The following SLC35F4 variants were observed in gnomAD, a reference collection of about 807,000 sequenced individuals.
The protein encoded by SLC35F4 is solute carrier family 35 member F4.
A neutral mutation model predicts 44.2 loss-of-function variants in SLC35F4; 24 were observed. The observed-to-expected ratio is 0.54, with a 90% confidence interval of 0.39 to 0.76. The LOEUF (loss-of-function observed/expected upper bound fraction) is 0.76, where lower values mean the gene tolerates loss of function less well. SLC35F4 is among the 30% of genes least tolerant of loss of function. SLC35F4 has a pLI of 0.00. For missense variants in SLC35F4, 562 were observed against 586.1 expected (o/e 0.96, Z 0.42); for synonymous variants, 238 against 223.6 (o/e 1.06, Z -0.57).
chr14:57,869,830 T>A (rs965699479), upstream of SLC35F4, among the ~76,000 whole-genome samples: 1 of 152,194 alleles, frequency 6.6e-6, no homozygotes, highest in Non-Finnish European at 1.5e-5. Context: ...TCAGGGAAGT[T>A]GTTTTGAGTA....
chr14:57,671,875 T>C (rs1240599991), intron 1 of SLC35F4, among the ~76,000 whole-genome samples: 1 of 152,068 alleles, frequency 6.6e-6, no homozygotes, highest in Non-Finnish European at 1.5e-5. Flanking sequence ...ATTCTCCCCA[T>C]GAAATCAGGC....
At chr14:57,600,214 G>A (rs17724195) in intron 1 of SLC35F4, among the ~76,000 whole-genome samples, 44,292 of 151,914 alleles carry the variant, frequency 0.29, 6,646 homozygotes, top group Middle Eastern at 0.35. Flanking sequence ...TAAAACTAGC[G>A]CTATTTTCAA....
At chr14:57,586,366 A>G (rs1032074253) in intron 3 of SLC35F4, among the ~76,000 whole-genome samples, 2 of 152,196 alleles carry the variant, frequency 1.3e-5, no homozygotes, top group African/African-American at 4.8e-5. Flanking sequence ...ACCTAAAACC[A>G]TAAAAACTCG....
chr14:57,857,416 T>C (rs986008486), intron 1 of SLC35F4, among the ~76,000 whole-genome samples: 3 of 152,110 alleles, frequency 2.0e-5, no homozygotes, highest in Non-Finnish European at 2.9e-5. Context: ...TTCTTTAAAG[T>C]ACATCTATTT....
intron 1 of SLC35F4, among the ~76,000 whole-genome samples, chr14:57,721,848 C>T (rs2076092576): frequency 6.6e-6 from 1 of 152,178 alleles, no homozygotes; most frequent in African/African-American, 2.4e-5. Context: ...CCACCTTTAT[C>T]TGAGGAGATA....
chr14:57,581,947 T>C (rs1284027683), intron 3 of SLC35F4, among the ~76,000 whole-genome samples: 5 of 152,162 alleles, frequency 3.3e-5, no homozygotes, highest in Non-Finnish European at 7.3e-5. Flanking sequence ...ATTGACTAAT[T>C]TTTTTTCCTG....
At chr14:57,917,045 T>C (rs544346709) in intron 1 of SLC35F4, among the ~76,000 whole-genome samples, 114 of 151,994 alleles carry the variant, frequency 7.5e-4, no homozygotes, top group South Asian at 1.9e-3. Flanking sequence ...TTTGGGGGGT[T>C]TTGTTTTGTT....
chr14:57,638,436 C>A (rs771520476), intron 1 of SLC35F4, among the ~76,000 whole-genome samples: 2 of 152,022 alleles, frequency 1.3e-5, no homozygotes, highest in African/African-American at 2.4e-5. Context: ...TGTTAGGGGC[C>A]CCTTCGTGAA....
intron 1 of SLC35F4, among the ~76,000 whole-genome samples, chr14:57,849,066 C>A (rs1412095236): frequency 1.3e-5 from 2 of 152,210 alleles, no homozygotes. Flanking sequence ...CCAGACCCTT[C>A]ATAGTTCTTG....
chr14:57,700,312 G>A (rs1313962476), intron 1 of SLC35F4, among the ~76,000 whole-genome samples: 1 of 152,032 alleles, frequency 6.6e-6, no homozygotes, highest in East Asian at 1.9e-4. Context: ...ATAAAAGACA[G>A]AAAATGGTAC....
rs543899204 is a variant in SLC35F4, at chr14:57,636,360, C to T, written c.104-42236G>A. Among the ~76,000 whole-genome samples, 83 of 152,174 alleles carry T rather than the reference C, an allele frequency of 5.5e-4. 1 individual carries two copies. The highest frequency in any genetic ancestry group is 5.8e-4 in the East Asian group (3 of 5,164). On this transcript the variant is annotated intron_variant, in intron 1 of 7. Coordinates refer to ENST00000556826, the MANE Select transcript of SLC35F4 (RefSeq NM_001306087.2). ...GAGGTTGCACTGAAAATACCATGCA[C>T]GGTAGCTCTACTGCTTGTGGGGTTT... is the stretch of plus-strand genomic sequence containing the variant.
intron 1 of SLC35F4, among the ~76,000 whole-genome samples, chr14:57,886,012 C>A (rs1335520): frequency 0.081 from 12,309 of 152,164 alleles, 561 homozygotes; most frequent in Middle Eastern, 0.14. Context: ...ATAAATATTG[C>A]AGACTGAATG....
At chr14:57,611,944 C>A (rs2071535291) in intron 1 of SLC35F4, among the ~76,000 whole-genome samples, 1 of 152,216 alleles carries the variant, frequency 6.6e-6, no homozygotes, top group South Asian at 2.1e-4. Context: ...TGCAGTGCAA[C>A]AGTGCAGTCC....
At chr14:57,673,813 A>C (rs191980828) in intron 1 of SLC35F4, among the ~76,000 whole-genome samples, 54 of 152,176 alleles carry the variant, frequency 3.5e-4, no homozygotes, top group African/African-American at 1.3e-3. Flanking sequence ...AAAAATTGAT[A>C]ATTAGATTTC....
At chr14:57,768,504 C>T (rs147070061) in intron 1 of SLC35F4, among the ~76,000 whole-genome samples, 1 of 152,308 alleles carries the variant, frequency 6.6e-6, no homozygotes, top group African/African-American at 2.4e-5. Context: ...AAGTTAATCT[C>T]TTATCTTTGA....
At chr14:57,886,118 G>T (rs563044864) in intron 1 of SLC35F4, among the ~76,000 whole-genome samples, 8 of 152,310 alleles carry the variant, frequency 5.3e-5, no homozygotes, top group South Asian at 2.1e-4. Flanking sequence ...AACACCTTAT[G>T]TGTTTTAAGC....
At chr14:57,721,097 G>T (rs2076077214) in intron 1 of SLC35F4, among the ~76,000 whole-genome samples, 1 of 144,924 alleles carries the variant, frequency 6.9e-6, no homozygotes, top group South Asian at 2.2e-4. Context: ...TACAGATTTT[G>T]GTACCAGGAG....
chr14:57,781,859 G>A (rs1209658257), intron 1 of SLC35F4, among the ~76,000 whole-genome samples: 1 of 152,128 alleles, frequency 6.6e-6, no homozygotes, highest in East Asian at 1.9e-4. Flanking sequence ...GGAGTTAAAT[G>A]ATGAGAACAC....
Position 57,569,921 on chromosome 14 carries a change from G to A in SLC35F4, c.993C>T (p.Ser331=), listed in dbSNP as rs527933061. ...AGATCAAATTGAAGAAACCCAAGGT[G>A]GAGACAAAGTGTGCAGCTTCCCCAA... ...ANFGEAAHFV[S]TLGFFNLIFI... Residue 331 remains serine, a synonymous_variant, in exon 6 of 8, where the codon TCC becomes TCT. Coordinates refer to ENST00000556826, the MANE Select transcript of SLC35F4 (RefSeq NM_001306087.2). 2.5e-6 allele frequency: 4 copies of A among 1,612,864 alleles called. No homozygotes were observed. The highest frequency in any genetic ancestry group is 8.5e-7 in the Non-Finnish European group (1 of 1,179,476).
Sources: gnomAD v4.1 joint callset for allele counts (sites outside exome capture counted in the v4.1 genomes callset) on GRCh38, gnomAD v4.1.1 for gene constraint, MANE v1.5 for transcripts, NCBI Gene and HGNC (gene_info 2026-07-23, HGNC 2026-07-21) for gene names.